Variants in LNX2 observed in about 807,000 individuals in gnomAD.
The protein encoded by LNX2 is ligand of numb-protein X 2, also known as ligand of Numb protein X 2.
A neutral mutation model predicts 66.2 loss-of-function variants in LNX2; 35 were observed. The observed-to-expected ratio is 0.53, with a 90% confidence interval of 0.40 to 0.70. The LOEUF (loss-of-function observed/expected upper bound fraction) is 0.70. LNX2 is among the 30% of genes least tolerant of loss of function. LNX2 has a pLI of 0.00. For missense variants in LNX2, 791 were observed against 850.8 expected, an observed-to-expected ratio of 0.93 and a Z score of 0.87; for synonymous variants, 337 against 315.6, an observed-to-expected ratio of 1.07 and a Z score of -0.72.
At chr13:27,594,695 C>G (rs965402436) in intron 1 of LNX2, among the ~76,000 whole-genome samples, 4 of 152,074 alleles carry the variant, frequency 2.6e-5, no homozygotes, top group African/African-American at 9.7e-5. Context: ...AAATGATCCG[C>G]TTCCTCAAGG....
chr13:27,550,431 A>G lies in LNX2; in HGVS notation c.1839T>C (p.Phe613=). The change falls in exon 9 of 10, where the codon TTT becomes TTC. Residue 613 remains phenylalanine, a synonymous_variant. Transcript: ENST00000316334. The stretch of plus-strand genomic sequence containing the variant: ...TCTCTTCATATCCACCAACGATACT[A>G]AAGCCCCAACTTCCCAAGTAACTTC... The part of the protein sequence containing the change: ...LRRSYLGSWG[F]SIVGGYEENH... 2 of 1,613,992 alleles carry G rather than the reference A, an allele frequency of 1.2e-6. No individual in the cohort carries two copies. Among genetic ancestry groups the G allele is most frequent in the Non-Finnish European group, 1.7e-6 (2 of 1,179,886 alleles).
Position 27,567,668 on chromosome 13 carries a change from C to T in LNX2, c.827G>A (p.Arg276Lys), listed in dbSNP as rs1020800527. 1 of 1,614,010 alleles carries T rather than the reference C, an allele frequency of 6.2e-7. No homozygotes were observed. Among genetic ancestry groups the T allele is most frequent in the Non-Finnish European group, 8.5e-7 (1 of 1,179,958 alleles). ...AAGAATCTGGTCTCCAGCAAGAAGT[C>T]TCCCGTCTCTGGCAATGACCCCATC... Reference protein sequence around the residue: ...YRDGVIARDGRLLAGDQILQV... With the variant: ...YRDGVIARDGKLLAGDQILQV... Residue 276 changes from arginine to lysine, a missense_variant, in exon 4 of 10, where the codon AGA becomes AAA. By Grantham distance (26) the Arg-to-Lys change is conservative. Coordinates refer to ENST00000316334, the MANE Select transcript of LNX2 (RefSeq NM_153371.4).
At chr13:27,591,132 C>T (rs982288171) in intron 1 of LNX2, among the ~76,000 whole-genome samples, 2 of 152,186 alleles carry the variant, frequency 1.3e-5, no homozygotes, top group Non-Finnish European at 2.9e-5. Flanking sequence ...GGGGCAGGGA[C>T]CAGAGCCTTG....
At chr13:27,554,626 A>G (rs1955038382) in intron 7 of LNX2, among the ~76,000 whole-genome samples, 1 of 152,206 alleles carries the variant, frequency 6.6e-6, no homozygotes, top group Non-Finnish European at 1.5e-5. Context: ...CCATTGATCC[A>G]TTCCTCAGCT....
chr13:27,617,621 C>T (rs1041257996), intron 1 of LNX2, among the ~76,000 whole-genome samples: 2 of 152,278 alleles, frequency 1.3e-5, no homozygotes, highest in Middle Eastern at 3.4e-3. Context: ...CTTCTGATAT[C>T]GCTCCACTGT....
At chr13:27,583,470 C>T (rs531419787) in intron 1 of LNX2, among the ~76,000 whole-genome samples, 160 of 152,032 alleles carry the variant, frequency 1.1e-3, no homozygotes, top group Non-Finnish European at 1.3e-3. Flanking sequence ...ATTGGCCAGG[C>T]GGGTCTCAAA....
rs371225167 is a variant in LNX2 at position 27,550,434 on chromosome 13, G to A, written c.1836C>T (p.Gly612=). The change falls in exon 9 of 10, where the codon GGC becomes GGT. Residue 612 remains glycine (G), a synonymous_variant. Transcript: ENST00000316334. The part of the protein sequence containing the change: ...VLRRSYLGSW[G]FSIVGGYEEN... ...CTTCATATCCACCAACGATACTAAA[G>A]CCCCAACTTCCCAAGTAACTTCTTC... 4.2e-5 allele frequency: 68 copies of A among 1,613,906 alleles called. 1 individual carries two copies. The South Asian group carries it at 6.6e-4, about 16-fold the overall frequency.
At position 27,590,042 on chromosome 13, in the gene LNX2, C is replaced by T. The variant is rs1030538479; in HGVS notation, c.-100-8239G>A. ...TCGGCTCACTGCAAGCTCCGCCTCCCGGGTTCATGCCATTCTCCTGCCTCG... is the reference window on the plus strand; with the variant it reads ...TCGGCTCACTGCAAGCTCCGCCTCCTGGGTTCATGCCATTCTCCTGCCTCG... On this transcript the variant is annotated intron_variant, in intron 1 of 9. Transcript: ENST00000316334. Among the ~76,000 whole-genome samples, 13 of 151,824 alleles carry T rather than the reference C, an allele frequency of 8.6e-5. No homozygotes were observed. In the East Asian group the frequency reaches 1.8e-3, roughly 20 times the overall value.
chr13:27,564,670 C>G (rs1190786009), intron 4 of LNX2, among the ~76,000 whole-genome samples: 3 of 151,970 alleles, frequency 2.0e-5, no homozygotes, highest in Non-Finnish European at 4.4e-5. Flanking sequence ...GGAAAACCAC[C>G]AAAGCCACAC....
chr13:27,548,305 G>A lies in LNX2; in HGVS notation c.*30C>T. The stretch of plus-strand genomic sequence containing the variant: ...TTCTTTCAAAAATCTAAAAAAGGAA[G>A]ATGCAAGATTTGAAACCAATTTCCA... On this transcript the variant is annotated 3_prime_UTR_variant, in exon 10 of 10. Coordinates refer to ENST00000316334, the MANE Select transcript of LNX2 (RefSeq NM_153371.4). The A allele has an allele frequency of 6.3e-7, 1 of 1,591,078 alleles. No individual in the cohort carries two copies. The highest frequency in any genetic ancestry group is 8.6e-7 in the Non-Finnish European group (1 of 1,168,412).
At chr13:27,549,167 T>C (rs1395230187) in intron 9 of LNX2, among the ~76,000 whole-genome samples, 1 of 152,216 alleles carries the variant, frequency 6.6e-6, no homozygotes, top group Non-Finnish European at 1.5e-5. Flanking sequence ...AAAATGATTT[T>C]TTTTCATCTT....
chr13:27,592,182 C>T (rs2138428233), intron 1 of LNX2, among the ~76,000 whole-genome samples: 1 of 152,210 alleles, frequency 6.6e-6, no homozygotes, highest in South Asian at 2.1e-4. Context: ...CTGAAGGGCT[C>T]AAAGGCAGAA....
At chr13:27,618,249 C>T (rs960099631) in intron 1 of LNX2, among the ~76,000 whole-genome samples, 11 of 152,234 alleles carry the variant, frequency 7.2e-5, no homozygotes, top group African/African-American at 2.7e-4. Context: ...TCTCCTTCCA[C>T]TGCCAGCACA....
chr13:27,610,087 A>T (rs1014675299), intron 1 of LNX2, among the ~76,000 whole-genome samples: 1 of 152,224 alleles, frequency 6.6e-6, no homozygotes, highest in African/African-American at 2.4e-5. Context: ...GACACTTGAA[A>T]TCTATTAAAT....
intron 8 of LNX2, 57 bp downstream of exon 8, chr13:27,553,151 A>G (rs1305314265): frequency 7.0e-7 from 1 of 1,426,138 alleles, no homozygotes; most frequent in Non-Finnish European, 9.9e-7. Context: ...CTACACACTG[A>G]TAAGGGCTGC....
At chr13:27,554,475 G>C (rs1566115017) in intron 7 of LNX2, among the ~76,000 whole-genome samples, 1 of 152,078 alleles carries the variant, frequency 6.6e-6, no homozygotes, top group Non-Finnish European at 1.5e-5. Flanking sequence ...AACATTTCAT[G>C]TAAATGGAAT....
intron 1 of LNX2, among the ~76,000 whole-genome samples, chr13:27,605,416 C>T (rs1162088092): frequency 6.6e-6 from 1 of 152,146 alleles, no homozygotes; most frequent in Non-Finnish European, 1.5e-5. Context: ...ATGACTGTGG[C>T]CATTTACTCT....
intron 6 of LNX2, 55 bp from the exon 7 acceptor site, chr13:27,556,468 AAGT>A: frequency 4.8e-6 from 7 of 1,445,688 alleles, no homozygotes; most frequent in Non-Finnish European, 6.7e-6. Flanking sequence ...AGTTGAAGTA[AAGT>A]TATTACTTCA....
intron 1 of LNX2, among the ~76,000 whole-genome samples, chr13:27,583,218 G>GCCCTCTCCAATATAAC (rs1415107261): frequency 5.4e-5 from 1 of 18,490 alleles, no homozygotes; most frequent in Non-Finnish European, 8.8e-5. Context: ...GTGTGTGTGT[G>GCCCTCTCCAATATAAC]TGTGTGTGTG....
Sources: allele counts gnomAD v4.1 joint callset (sites outside exome capture counted in the v4.1 genomes callset), GRCh38; gene constraint gnomAD v4.1.1; transcripts MANE v1.5; gene names NCBI Gene and HGNC (gene_info 2026-07-23, HGNC 2026-07-21).